CS: variants seen among roughly 807,000 people sequenced by gnomAD.
The protein encoded by CS is citrate synthase.
A neutral mutation model predicts 61.4 loss-of-function variants in CS; 13 were observed. The ratio of observed to expected loss-of-function variants is 0.21; its 90% CI spans 0.14 to 0.34. The LOEUF (loss-of-function observed/expected upper bound fraction) is 0.34. Ranked by LOEUF, CS falls within the 10% of genes least tolerant of loss-of-function variation. CS has a pLI of 1.00. For synonymous variants in CS, 159 were observed against 215.2 expected, an observed-to-expected ratio of 0.74 and a Z score of 2.29; for missense variants, 278 against 573.4, an observed-to-expected ratio of 0.48 and a Z score of 5.26.
chr12:56,291,859 C>G (rs557617717), intron 1 of CS: 1 of 152,282 alleles, frequency 6.6e-6, no homozygotes, highest in South Asian at 2.1e-4. Flanking sequence ...TGTCTGACAG[C>G]CAGTATTCTC....
intron 1 of CS, chr12:56,298,781 T>C (rs1873386658): frequency 1.8e-6 from 1 of 557,738 alleles, no homozygotes; most frequent in Non-Finnish European, 2.3e-6. Context: ...GGTTCACACC[T>C]GTAATCCCAG....
At chr12:56,275,533 T>C (rs943579745) in intron 7 of CS, 22 of 205,672 alleles carry the variant, frequency 1.1e-4, no homozygotes, top group Admixed American at 1.6e-4. Flanking sequence ...GATTGCGCCA[T>C]TGCACTCCAA....
Position 56,272,098 on chromosome 12 carries a change from GTC to G in CS, c.*984_*985del, listed in dbSNP as rs1872532374. The G allele has an allele frequency of 3.1e-6, 1 of 319,898 alleles. No homozygotes were observed. The highest frequency in any genetic ancestry group is 6.2e-6 in the Non-Finnish European group (1 of 162,192). The allele number at this position is 319,898 out of a possible 1,614,324, so 19.8% of individuals were successfully genotyped here. On this transcript the variant is annotated 3_prime_UTR_variant, in exon 11 of 11. Coordinates refer to ENST00000351328, the MANE Select transcript of CS (RefSeq NM_004077.3). Reference sequence around the variant, plus strand: ...GTACCTGATAATCAGAGGAGACCATGTCCAATCTTGAATCAATTCCCTGTTCA... The same window carrying G: ...GTACCTGATAATCAGAGGAGACCATGCAATCTTGAATCAATTCCCTGTTCA...
intron 3 of CS, among the ~76,000 whole-genome samples, chr12:56,284,704 T>TCCGG (rs1872885811): frequency 7.2e-6 from 1 of 138,490 alleles, no homozygotes; most frequent in African/African-American, 2.7e-5. Flanking sequence ...TATCGAGACA[T>TCCGG]CCTGGCCAAC....
chr12:56,293,696 A>G (rs1873205018), intron 1 of CS, among the ~76,000 whole-genome samples: 1 of 152,222 alleles, frequency 6.6e-6, no homozygotes, highest in Non-Finnish European at 1.5e-5. Flanking sequence ...CCTGGGTGAC[A>G]GAGCAAGACT....
At chr12:56,296,456 G>A (rs1268753031) in intron 1 of CS, among the ~76,000 whole-genome samples, 1 of 152,016 alleles carries the variant, frequency 6.6e-6, no homozygotes, top group African/African-American at 2.4e-5. Context: ...ACCCAAAACA[G>A]AGAACTAAGG....
At chr12:56,286,241 A>T in intron 2 of CS, 1 of 570,200 alleles carries the variant, frequency 1.8e-6, no homozygotes. Flanking sequence ...TTGGGCAGAC[A>T]AAAGTTCTGG....
At chr12:56,294,626 G>A (rs962490103) in intron 1 of CS, among the ~76,000 whole-genome samples, 3 of 151,712 alleles carry the variant, frequency 2.0e-5, no homozygotes, top group Non-Finnish European at 4.4e-5. Flanking sequence ...GAGTGCAGTG[G>A]TGCGATCTCG....
In CS at chr12:56,300,161, T is replaced by C. The variant is rs1226324221; in HGVS notation, c.41A>G (p.Lys14Arg). The C allele has an allele frequency of 2.6e-6, 4 of 1,567,388 alleles. No individual in the cohort carries two copies. Residue 14 changes from lysine (K) to arginine (R), a missense_variant and splice_region_variant, in exon 1 of 11, where the codon AAG becomes AGG. By Grantham distance (26) the Lys-to-Arg change is conservative. Coordinates refer to ENST00000351328, the MANE Select transcript of CS (RefSeq NM_004077.3). ...LTAAARLLGT[K>R]NASCLVLAAR... ...GTGCTCCCTCCCCTCGCTGCTCACC[T>C]TGGTTCCCAAGAGCCGGGCGGCCGC...
intron 10 of CS, 94 bp from the exon 11 acceptor site, chr12:56,273,348 A>T (rs972292113): frequency 1.9e-5 from 25 of 1,329,086 alleles, no homozygotes; most frequent in Non-Finnish European, 2.6e-5. Flanking sequence ...TAAATTTTCC[A>T]TTTTTCTCCA....
At chr12:56,282,837 C>T in intron 5 of CS, 23 bp downstream of exon 5, 1 of 1,613,296 alleles carries the variant, frequency 6.2e-7, no homozygotes, top group Non-Finnish European at 8.5e-7. Flanking sequence ...ATGAGAAGAG[C>T]TAATAATATC....
At chr12:56,273,529 G>C in intron 10 of CS, 58 bp downstream of exon 10, 1 of 1,517,118 alleles carries the variant, frequency 6.6e-7, no homozygotes, top group Non-Finnish European at 9.1e-7. Context: ...TTTGTGCATG[G>C]CAGATAACAA....
rs192574290 is a variant in CS at position 56,277,732 on chromosome 12, G to A, written c.589-1537C>T. ...TGCAAGCTCCGCCTCCCGGGTTCAC[G>A]CCATTCTCCTGCCTCAGCCTCCTGA... On this transcript the variant is annotated intron_variant, in intron 6 of 10. Transcript: ENST00000351328. 5.4e-5 allele frequency among the ~76,000 whole-genome samples: 8 copies of A among 147,444 alleles called. No individual in the cohort carries two copies. In the East Asian group the frequency reaches 1.7e-3, roughly 31 times the overall value.
At chr12:56,278,024 AAC>A (rs1396751022) in intron 6 of CS, among the ~76,000 whole-genome samples, 1 of 152,226 alleles carries the variant, frequency 6.6e-6, no homozygotes, top group Admixed American at 6.5e-5. Context: ...CCTGTAAGGT[AAC>A]ATATACCTCT....
At chr12:56,298,738 A>G in intron 1 of CS, 1 of 946,052 alleles carries the variant, frequency 1.1e-6, no homozygotes, top group Non-Finnish European at 1.3e-6. Flanking sequence ...TGTGCCAACC[A>G]TGAAAAATAA....
intron 7 of CS, chr12:56,275,759 G>A: frequency 1.8e-6 from 1 of 554,562 alleles, no homozygotes. Context: ...TGAGCAGCTA[G>A]TACCTTTTCC....
intron 2 of CS, 58 bp from the exon 3 acceptor site, chr12:56,286,081 A>T (rs1872931698): frequency 6.9e-7 from 1 of 1,447,402 alleles, no homozygotes; most frequent in African/African-American, 1.4e-5. Flanking sequence ...GATTTCCTGC[A>T]AAGTAGGTGT....
intron 6 of CS, among the ~76,000 whole-genome samples, chr12:56,280,328 T>C (rs1388817155): frequency 6.6e-6 from 1 of 150,514 alleles, no homozygotes; most frequent in Non-Finnish European, 1.5e-5. Flanking sequence ...GGCAGGAGAA[T>C]TGTGTGAACC....
intron 6 of CS, among the ~76,000 whole-genome samples, chr12:56,280,791 G>A (rs1181875743): frequency 6.6e-6 from 1 of 151,988 alleles, no homozygotes; most frequent in Non-Finnish European, 1.5e-5. Flanking sequence ...ATGTGTGCAG[G>A]TACAAATATA....
Sources: gnomAD v4.1 joint callset for allele counts (sites outside exome capture counted in the v4.1 genomes callset) on GRCh38, gnomAD v4.1.1 for gene constraint, MANE v1.5 for transcripts, NCBI Gene and HGNC (gene_info 2026-07-23, HGNC 2026-07-21) for gene names.